The following STAC variants were observed in gnomAD, a reference collection of about 807,000 sequenced individuals.
The protein encoded by STAC is SH3 and cysteine rich domain.
Under a neutral mutation model 48.8 loss-of-function variants are expected in STAC, and 43 were observed. The ratio of observed to expected loss-of-function variants is 0.88; its 90% CI spans 0.69 to 1.14. The LOEUF (loss-of-function observed/expected upper bound fraction) is 1.14. Ranked by LOEUF, STAC falls within the 50% of genes most tolerant of loss-of-function variation. STAC has a pLI of 0.00. For missense variants in STAC, 497 were observed against 504.0 expected (o/e 0.99, Z 0.13); for synonymous variants, 193 against 179.5 (o/e 1.07, Z -0.60).
intron 6 of STAC, among the ~76,000 whole-genome samples, chr3:36,502,235 C>A (rs77800838): frequency 0.02 from 3,070 of 152,138 alleles, 95 homozygotes; most frequent in African/African-American, 0.069. Context: ...TCTTTGAATT[C>A]TTGTTATGGG....
intron 2 of STAC, among the ~76,000 whole-genome samples, chr3:36,473,087 A>T (rs1339315670): frequency 6.6e-6 from 1 of 152,230 alleles, no homozygotes; most frequent in African/African-American, 2.4e-5. Context: ...GGCAAAAGGC[A>T]CTTCTTACAT....
At chr3:36,513,172 C>G (rs1300267039) in intron 8 of STAC, among the ~76,000 whole-genome samples, 1 of 152,108 alleles carries the variant, frequency 6.6e-6, no homozygotes, top group African/African-American at 2.4e-5. Flanking sequence ...TATATCTGCT[C>G]AATAATAAGA....
chr3:36,458,822 G>A (rs1488889383), intron 2 of STAC, among the ~76,000 whole-genome samples: 1 of 152,168 alleles, frequency 6.6e-6, no homozygotes, highest in East Asian at 1.9e-4. Flanking sequence ...GCATTTCCTA[G>A]GCTGCTGATC....
At chr3:36,437,518 C>T (rs868175007) in intron 1 of STAC, among the ~76,000 whole-genome samples, 3,411 of 150,496 alleles carry the variant, frequency 0.023, 55 homozygotes, top group East Asian at 0.025. Flanking sequence ...CAGTAAACTA[C>T]CGCAAGGACA....
intron 10 of STAC, among the ~76,000 whole-genome samples, chr3:36,532,210 C>T (rs1009245376): frequency 6.6e-6 from 1 of 152,104 alleles, no homozygotes; most frequent in African/African-American, 2.4e-5. Context: ...TGCCATCTAA[C>T]GATTTTTGGT....
chr3:36,500,000 C>T (rs986494460), intron 6 of STAC, among the ~76,000 whole-genome samples: 7 of 152,044 alleles, frequency 4.6e-5, no homozygotes, highest in Non-Finnish European at 8.8e-5. Context: ...CTTGCATATA[C>T]CTGATACATA....
chr3:36,443,728 C>G lies in STAC; in HGVS notation c.388+88C>G. The stretch of plus-strand genomic sequence containing the variant: ...TGCCACGGGTCCAGGTACCTACGGA[C>G]AGATGCTAGGCCTCAGAGATTTACA... On this transcript the variant is annotated intron_variant, in intron 2 of 10. Coordinates refer to ENST00000273183, the MANE Select transcript of STAC (RefSeq NM_003149.3). This position sits in a 1 kb window ranked among gnomAD's most constrained non-coding sequence, Gnocchi z 4.2. 6.7e-7 allele frequency: 1 copy of G among 1,498,782 alleles called. No homozygotes were observed. The highest frequency in any genetic ancestry group is 9.1e-7 in the Non-Finnish European group (1 of 1,103,808). 92.8% of individuals were successfully genotyped at this position (1,498,782 alleles called of 1,614,324 possible).
intron 2 of STAC, among the ~76,000 whole-genome samples, chr3:36,475,930 G>T (rs1193767016): frequency 6.6e-6 from 1 of 152,196 alleles, no homozygotes; most frequent in Non-Finnish European, 1.5e-5. Context: ...AGGTTGGAGA[G>T]TTCTAGATGC....
Position 36,387,904 on chromosome 3 carries a change from T to C in STAC, c.111+7150T>C, listed in dbSNP as rs76570776. ...ATTCTATGTTTAATTTTTTGAGAAA[T>C]TGCCATCCTATTTTCCACAGTGGTC... On this transcript the variant is annotated intron_variant, in intron 1 of 10. Coordinates refer to ENST00000273183, the MANE Select transcript of STAC (RefSeq NM_003149.3). 4.6e-3 allele frequency among the ~76,000 whole-genome samples: 697 copies of C among 152,194 alleles called. 5 individuals carry two copies. The highest frequency in any genetic ancestry group is 0.014 in the African/African-American group (573 of 41,560).
intron 1 of STAC, among the ~76,000 whole-genome samples, chr3:36,412,532 A>C (rs1414942502): frequency 6.6e-6 from 1 of 152,218 alleles, no homozygotes; most frequent in Non-Finnish European, 1.5e-5. Context: ...GGGGAAAAAA[A>C]GACTGAGAAC....
chr3:36,511,326 G>A (rs1191630571), intron 8 of STAC, among the ~76,000 whole-genome samples: 1 of 152,112 alleles, frequency 6.6e-6, no homozygotes, highest in Non-Finnish European at 1.5e-5. Context: ...AAACACATTG[G>A]TGCCTATAAT....
intron 1 of STAC, among the ~76,000 whole-genome samples, chr3:36,397,513 T>C (rs7626345): frequency 0.023 from 3,544 of 152,274 alleles, 59 homozygotes; most frequent in East Asian, 0.026. Context: ...AATAAATGTG[T>C]CATGAATATG....
At chr3:36,529,422 C>T (rs796269671) in intron 10 of STAC, among the ~76,000 whole-genome samples, 12 of 152,342 alleles carry the variant, frequency 7.9e-5, no homozygotes, top group African/African-American at 2.9e-4. Flanking sequence ...TACCTATTCA[C>T]TGAAGCCCAT....
intron 2 of STAC, among the ~76,000 whole-genome samples, chr3:36,465,975 C>A (rs945919080): frequency 2.0e-5 from 3 of 152,054 alleles, no homozygotes; most frequent in Non-Finnish European, 4.4e-5. Flanking sequence ...ATCCCTCAAT[C>A]CAATCAAGCT....
intron 1 of STAC, among the ~76,000 whole-genome samples, chr3:36,441,417 C>G (rs548123295): frequency 6.6e-6 from 1 of 152,258 alleles, no homozygotes; most frequent in South Asian, 2.1e-4. Flanking sequence ...CCACAAATGA[C>G]AGAGTTTCAT....
At position 36,443,713 on chromosome 3, in the gene STAC, C is replaced by G; in HGVS notation, c.388+73C>G. On this transcript the variant is annotated intron_variant, in intron 2 of 10. Coordinates refer to ENST00000273183, the MANE Select transcript of STAC (RefSeq NM_003149.3). This position sits in a 1 kb window ranked among gnomAD's most constrained non-coding sequence, Gnocchi z 4.2. The stretch of plus-strand genomic sequence containing the variant: ...TGAGTGAGAGTGGTGTGCCACGGGT[C>G]CAGGTACCTACGGACAGATGCTAGG... 1 of 1,562,264 alleles carries G rather than the reference C, an allele frequency of 6.4e-7. No individual in the cohort carries two copies. Among genetic ancestry groups the G allele is most frequent in the East Asian group, 2.2e-5 (1 of 44,520 alleles).
At position 36,483,094 on chromosome 3, in the gene STAC, T is replaced by C. The variant is rs751835438; in HGVS notation, c.489+2T>C. 1.2e-6 allele frequency: 2 copies of C among 1,611,604 alleles called. No individual in the cohort carries two copies. The highest frequency in any genetic ancestry group is 1.7e-6 in the Non-Finnish European group (2 of 1,177,744). On this transcript the variant is annotated splice_donor_variant, in intron 3 of 10. Transcript: ENST00000273183. LOFTEE classifies it high-confidence loss of function. ...CCCCAGCGGTGCATGGGCAAGCTGG[T>C]AAGGGCTTGTGCCAGGAGTGAGGCC...
intron 2 of STAC, among the ~76,000 whole-genome samples, chr3:36,466,468 T>A (rs182372288): frequency 6.0e-4 from 92 of 152,372 alleles, no homozygotes; most frequent in Non-Finnish European, 1.0e-3. Context: ...GGGAATTGCA[T>A]TGAATTTATA....
intron 1 of STAC, among the ~76,000 whole-genome samples, chr3:36,387,394 C>G (rs1191952208): frequency 6.6e-6 from 1 of 152,010 alleles, no homozygotes; most frequent in Non-Finnish European, 1.5e-5. Context: ...TACATTCACA[C>G]TGTTGTGCAG....
Sources: gnomAD v4.1 joint callset for allele counts (sites outside exome capture counted in the v4.1 genomes callset) on GRCh38, gnomAD v4.1.1 for gene constraint, Gnocchi (gnomAD v3.1) non-coding constraint, MANE v1.5 for transcripts, NCBI Gene and HGNC (gene_info 2026-07-23, HGNC 2026-07-21) for gene names.